Variants in GRID1 observed in about 807,000 individuals in gnomAD.
The protein encoded by GRID1 is glutamate ionotropic receptor delta type subunit 1.
Under a neutral mutation model 98.0 loss-of-function variants are expected in GRID1, and 28 were observed. The observed-to-expected ratio is 0.29, with a 90% CI of 0.21 to 0.39. The LOEUF is 0.39. Ranked by LOEUF, GRID1 falls within the 10% of genes least tolerant of loss-of-function variation. GRID1 has a pLI of 1.00. For synonymous variants in GRID1, 553 were observed against 538.5 expected, an observed-to-expected ratio of 1.03 and a Z score of -0.37; for missense variants, 1,111 against 1,340.5, an observed-to-expected ratio of 0.83 and a Z score of 2.67.
chr10:85,854,740 G>T, intron 7 of GRID1, 125 bp from the exon 8 acceptor site: 1 of 866,260 alleles, frequency 1.2e-6, no homozygotes, highest in Non-Finnish European at 1.8e-6. Context: ...CCATGGACAG[G>T]CTGTAATGAG....
intron 8 of GRID1, among the ~76,000 whole-genome samples, chr10:85,795,110 C>T (rs907555800): frequency 2.6e-5 from 4 of 152,104 alleles, no homozygotes; most frequent in African/African-American, 9.7e-5. Context: ...GGATATGGAT[C>T]GAGAAATATA....
intron 5 of GRID1, among the ~76,000 whole-genome samples, chr10:85,885,887 G>A (rs1333799706): frequency 2.0e-5 from 3 of 152,196 alleles, no homozygotes; most frequent in African/African-American, 7.2e-5. Context: ...ACTTAGATGA[G>A]GACACACCCA....
At chr10:86,016,964 A>G (rs1019096367) in intron 4 of GRID1, among the ~76,000 whole-genome samples, 47 of 152,204 alleles carry the variant, frequency 3.1e-4, no homozygotes, top group Admixed American at 1.3e-4. Context: ...CATTCGTTCA[A>G]TGAACTTTTA....
intron 2 of GRID1, among the ~76,000 whole-genome samples, chr10:86,266,990 GCTCT>G (rs1415319701): frequency 2.0e-5 from 3 of 152,142 alleles, no homozygotes; most frequent in Non-Finnish European, 4.4e-5. Context: ...ATTTAGTGAG[GCTCT>G]CTGTGTGCCT....
chr10:86,287,121 G>A (rs1847442363), intron 2 of GRID1, among the ~76,000 whole-genome samples: 1 of 152,210 alleles, frequency 6.6e-6, no homozygotes, highest in Admixed American at 6.5e-5. Flanking sequence ...AGCTCTGGAG[G>A]CACGGAAGTA....
At chr10:85,960,968 G>C (rs573120339) in intron 4 of GRID1, among the ~76,000 whole-genome samples, 1 of 152,158 alleles carries the variant, frequency 6.6e-6, no homozygotes, top group African/African-American at 2.4e-5. Context: ...CTCACAGAGA[G>C]AGGCTCGGTG....
chr10:85,883,187 C>T (rs1010315119), intron 5 of GRID1, among the ~76,000 whole-genome samples: 1 of 152,076 alleles, frequency 6.6e-6, no homozygotes, highest in African/African-American at 2.4e-5. Flanking sequence ...ATTCTTTCTG[C>T]GTATGTATCC....
chr10:85,735,172 G>A (rs1841866458), intron 8 of GRID1, among the ~76,000 whole-genome samples: 2 of 152,154 alleles, frequency 1.3e-5, no homozygotes, highest in Admixed American at 1.3e-4. Context: ...TTGTTTACAG[G>A]ATCGATGAAT....
chr10:85,642,770 G>C (rs1168995639), intron 13 of GRID1, among the ~76,000 whole-genome samples: 1 of 152,092 alleles, frequency 6.6e-6, no homozygotes, highest in Non-Finnish European at 1.5e-5. Context: ...TGCATCTTTT[G>C]CTACTGATTT....
At chr10:86,301,391 T>C (rs750791665) in intron 2 of GRID1, among the ~76,000 whole-genome samples, 4 of 152,284 alleles carry the variant, frequency 2.6e-5, no homozygotes, top group Non-Finnish European at 4.4e-5. Context: ...GTGCTAATGG[T>C]GTGTGGCTAA....
At chr10:85,804,483 A>G (rs1842604542) in intron 8 of GRID1, among the ~76,000 whole-genome samples, 2 of 152,032 alleles carry the variant, frequency 1.3e-5, no homozygotes, top group South Asian at 4.1e-4. Context: ...CAGACAGAAC[A>G]GGGGAAAGGG....
chr10:85,844,579 T>C (rs1842989395), intron 8 of GRID1, among the ~76,000 whole-genome samples: 2 of 152,066 alleles, frequency 1.3e-5, no homozygotes, highest in African/African-American at 4.8e-5. Context: ...TTGGGGAAAC[T>C]AAATAAAGGG....
chr10:86,119,270 G>A (rs1206552445), intron 4 of GRID1, among the ~76,000 whole-genome samples: 2 of 152,298 alleles, frequency 1.3e-5, no homozygotes, highest in African/African-American at 4.8e-5. Context: ...TGGAGGCAGA[G>A]GTTGCAGTGA....
intron 13 of GRID1, among the ~76,000 whole-genome samples, chr10:85,634,405 C>A (rs1370394005): frequency 1.3e-5 from 2 of 151,994 alleles, no homozygotes; most frequent in African/African-American, 4.8e-5. Flanking sequence ...TATTGGAACA[C>A]CCCATCCCGG....
At chr10:86,312,321 C>T (rs1847842158) in intron 2 of GRID1, among the ~76,000 whole-genome samples, 2 of 152,246 alleles carry the variant, frequency 1.3e-5, no homozygotes, top group South Asian at 4.1e-4. Flanking sequence ...GTCTCCCACC[C>T]CACCCTAAAC....
intron 3 of GRID1, among the ~76,000 whole-genome samples, chr10:86,183,968 T>G (rs1030196282): frequency 1.3e-5 from 2 of 152,260 alleles, no homozygotes; most frequent in Non-Finnish European, 2.9e-5. Context: ...GCCATTCTAA[T>G]CACTGCTATG....
intron 11 of GRID1, 130 bp downstream of exon 11, chr10:85,724,222 G>C: frequency 1.5e-6 from 1 of 650,024 alleles, no homozygotes; most frequent in Non-Finnish European, 2.6e-6. Flanking sequence ...CATGACATTT[G>C]TACTGTCCTA....
intron 4 of GRID1, among the ~76,000 whole-genome samples, chr10:86,118,771 G>A (rs922272205): frequency 3.3e-5 from 5 of 152,192 alleles, no homozygotes; most frequent in African/African-American, 1.2e-4. Context: ...ATGGTGTGAT[G>A]AGAATGGCAC....
At chr10:86,329,761 C>T (rs1848111158) in intron 2 of GRID1, among the ~76,000 whole-genome samples, 1 of 152,184 alleles carries the variant, frequency 6.6e-6, no homozygotes, top group Non-Finnish European at 1.5e-5. Flanking sequence ...TGCTCATGCT[C>T]TGGACAACTC....
Sources: gnomAD v4.1 joint callset for allele counts (sites outside exome capture counted in the v4.1 genomes callset) on GRCh38, gnomAD v4.1.1 for gene constraint, MANE v1.5 for transcripts, NCBI Gene and HGNC (gene_info 2026-07-23, HGNC 2026-07-21) for gene names.